Variants in CNTNAP2 observed in about 807,000 individuals in gnomAD.
The protein encoded by CNTNAP2 is contactin-associated protein-like 2.
Under a neutral mutation model 155.2 loss-of-function variants are expected in CNTNAP2, and 98 were observed. The ratio of observed to expected loss-of-function variants is 0.63; its 90% CI spans 0.54 to 0.75. The LOEUF (loss-of-function observed/expected upper bound fraction) is 0.75, where lower values mean the gene tolerates loss of function less well. CNTNAP2 is among the 30% of genes least tolerant of loss of function. The pLI is 0.00. For synonymous variants in CNTNAP2, 651 were observed against 631.2 expected (o/e 1.03, Z -0.47); for missense variants, 1,727 against 1,688.1 (o/e 1.02, Z -0.40).
chr7:146,989,405 G>C (rs1397835762), intron 3 of CNTNAP2, among the ~76,000 whole-genome samples: 1 of 152,080 alleles, frequency 6.6e-6, no homozygotes, highest in Non-Finnish European at 1.5e-5. Flanking sequence ...GAAACAAGTA[G>C]TAGATGTAGG....
At chr7:147,941,728 T>G (rs1378454461) in intron 14 of CNTNAP2, among the ~76,000 whole-genome samples, 1 of 152,222 alleles carries the variant, frequency 6.6e-6, no homozygotes, top group Non-Finnish European at 1.5e-5. Context: ...CAGTAATTAC[T>G]CTAAAATGAT....
At chr7:146,210,247 G>A (rs1161367338) in intron 1 of CNTNAP2, among the ~76,000 whole-genome samples, 1 of 152,140 alleles carries the variant, frequency 6.6e-6, no homozygotes. Flanking sequence ...TTAAACCTCA[G>A]TGCTACCATA....
intron 8 of CNTNAP2, among the ~76,000 whole-genome samples, chr7:147,269,399 T>C (rs972284912): frequency 6.6e-6 from 1 of 152,148 alleles, no homozygotes; most frequent in African/African-American, 2.4e-5. Flanking sequence ...CATAACCATG[T>C]TGGATATATA....
chr7:147,303,151 G>C (rs1325215362), intron 9 of CNTNAP2, among the ~76,000 whole-genome samples: 4 of 152,192 alleles, frequency 2.6e-5, no homozygotes, highest in Non-Finnish European at 5.9e-5. Flanking sequence ...CTTCACACAA[G>C]GCTGGGTGTG....
chr7:146,128,838 T>A (rs943092833), intron 1 of CNTNAP2, among the ~76,000 whole-genome samples: 4 of 151,892 alleles, frequency 2.6e-5, no homozygotes, highest in Non-Finnish European at 5.9e-5. Flanking sequence ...TAATGTTAGT[T>A]GCAAACAAGT....
Position 146,471,949 on chromosome 7 carries a change from C to T in CNTNAP2, c.98-302322C>T, listed in dbSNP as rs190323857. On this transcript the variant is annotated intron_variant, in intron 1 of 23. Transcript: ENST00000361727. ...ATTCCAACAGATTCTGTCAGTTTCCCAGATTTCTTAAGAATCTGAAATGAA... is the reference window on the plus strand; with the variant it reads ...ATTCCAACAGATTCTGTCAGTTTCCTAGATTTCTTAAGAATCTGAAATGAA... Among the ~76,000 whole-genome samples the T allele has an allele frequency of 4.6e-5, 7 of 152,230 alleles. No homozygotes were observed. In the East Asian group the frequency reaches 1.4e-3, roughly 29 times the overall value.
chr7:147,376,635 G>A lies in CNTNAP2; in HGVS notation c.1499-18974G>A, dbSNP rs370420799. On this transcript the variant is annotated intron_variant, in intron 9 of 23. Coordinates refer to ENST00000361727, the MANE Select transcript of CNTNAP2 (RefSeq NM_014141.6). ...CAGTGAGTTCTCTGTGCTTCAGAGT[G>A]TTATTCTATGCTCAATAATTTCACG... Among the ~76,000 whole-genome samples, 98 of 151,908 alleles carry A rather than the reference G, an allele frequency of 6.5e-4. 3 individuals are homozygous for A. In the South Asian group the frequency reaches 0.02, roughly 30 times the overall value.
chr7:147,498,236 C>T lies in CNTNAP2; in HGVS notation c.1777+12195C>T, dbSNP rs545542477. Reference sequence around the variant, plus strand: ...ACCATGTGGCTGATTAGCCACAAGGCCAGTCATCCCAAAGGGTGCTGAAGA... The same window carrying T: ...ACCATGTGGCTGATTAGCCACAAGGTCAGTCATCCCAAAGGGTGCTGAAGA... On this transcript the variant is annotated intron_variant, in intron 11 of 23. Transcript: ENST00000361727. 9.2e-5 allele frequency among the ~76,000 whole-genome samples: 14 copies of T among 151,754 alleles called. No individual in the cohort carries two copies. The South Asian group carries it at 2.9e-3, about 32-fold the overall frequency.
chr7:147,501,522 A>G (rs1011532241), intron 11 of CNTNAP2, among the ~76,000 whole-genome samples: 1 of 152,186 alleles, frequency 6.6e-6, no homozygotes, highest in Non-Finnish European at 1.5e-5. Context: ...TTTCAATTTT[A>G]TAGTGGTGTG....
In CNTNAP2 at chr7:148,284,558, C is replaced by T. The variant is rs1585241802; in HGVS notation, c.3475+17432C>T. ...AGGAGAGTGGTTACTGCTCAGCACA[C>T]TAGATTAACAAGTCCAACTAAGGCT... On this transcript the variant is annotated intron_variant, in intron 21 of 23. Transcript: ENST00000361727. Among the ~76,000 whole-genome samples, 6 of 150,248 alleles carry T rather than the reference C, an allele frequency of 4.0e-5. No homozygotes were observed. The South Asian group carries it at 1.3e-3, about 32-fold the overall frequency.
chr7:147,791,454 T>C (rs1341293753), intron 13 of CNTNAP2, among the ~76,000 whole-genome samples: 8 of 60,232 alleles, frequency 1.3e-4, no homozygotes, highest in Non-Finnish European at 3.1e-4. Flanking sequence ...TCTCTCTCTC[T>C]TTTTTTTTTT....
chr7:148,349,527 G>A (rs910922314), intron 21 of CNTNAP2, among the ~76,000 whole-genome samples: 4 of 150,438 alleles, frequency 2.7e-5, no homozygotes, highest in African/African-American at 7.3e-5. Flanking sequence ...TCAGTCTCCC[G>A]AGTAGCTGGG....
chr7:148,008,843 C>G (rs1360370048), intron 15 of CNTNAP2, among the ~76,000 whole-genome samples: 4 of 152,196 alleles, frequency 2.6e-5, no homozygotes, highest in African/African-American at 9.7e-5. Context: ...GCACTTTTAT[C>G]TTAGTTAGCC....
In CNTNAP2 at chr7:146,872,162, ATTTTTT is replaced by A. The variant is rs144291754; in HGVS notation, c.402+32277_402+32282del. Among the ~76,000 whole-genome samples the A allele has an allele frequency of 1.6e-3, 176 of 111,508 alleles. 1 individual carries two copies. The highest frequency in any genetic ancestry group is 7.6e-3 in the East Asian group (31 of 4,054). The allele number at this position is 111,508 out of a possible 152,430, so 73.2% of individuals were successfully genotyped here. A position where few individuals can be genotyped will look rare whatever the true frequency, so the allele number is the denominator to read the frequency against. ...CCTTTTGGGCCAGTTAAATTATTGAATTTTTTTTTTTTTTTTTTTTTTTTGGTAAAT... is the reference window on the plus strand; with the variant it reads ...CCTTTTGGGCCAGTTAAATTATTGAATTTTTTTTTTTTTTTTTTGGTAAAT... On this transcript the variant is annotated intron_variant, in intron 3 of 23. Coordinates refer to ENST00000361727, the MANE Select transcript of CNTNAP2 (RefSeq NM_014141.6).
intron 19 of CNTNAP2, among the ~76,000 whole-genome samples, chr7:148,222,645 C>T (rs781526581): frequency 6.6e-6 from 1 of 152,128 alleles, no homozygotes; most frequent in Non-Finnish European, 1.5e-5. Flanking sequence ...TCTCAATATA[C>T]CCATATTAGG....
chr7:147,473,126 A>G (rs542122370), intron 10 of CNTNAP2, among the ~76,000 whole-genome samples: 1 of 152,314 alleles, frequency 6.6e-6, no homozygotes, highest in East Asian at 1.9e-4. Flanking sequence ...CCTGTGAGAA[A>G]AGGAGCTTTT....
At chr7:147,296,725 T>A (rs1006824039) in intron 8 of CNTNAP2, among the ~76,000 whole-genome samples, 2 of 152,138 alleles carry the variant, frequency 1.3e-5, no homozygotes, top group Non-Finnish European at 2.9e-5. Flanking sequence ...TATTTGACAT[T>A]GGTCCAATAA....
At chr7:147,732,748 A>G (rs903004840) in intron 13 of CNTNAP2, among the ~76,000 whole-genome samples, 23 of 152,316 alleles carry the variant, frequency 1.5e-4, no homozygotes, top group African/African-American at 5.1e-4. Context: ...GTGAGATGGT[A>G]TCTCATTGTG....
At chr7:146,159,752 T>A (rs940359162) in intron 1 of CNTNAP2, among the ~76,000 whole-genome samples, 1 of 152,010 alleles carries the variant, frequency 6.6e-6, no homozygotes, top group Non-Finnish European at 1.5e-5. Context: ...AGTCCTTAGA[T>A]ACATACAACG....
Sources: gnomAD v4.1 joint callset for allele counts (sites outside exome capture counted in the v4.1 genomes callset) on GRCh38, gnomAD v4.1.1 for gene constraint, MANE v1.5 for transcripts, NCBI Gene and HGNC (gene_info 2026-07-23, HGNC 2026-07-21) for gene names.